Variants in PELI2 observed in about 807,000 individuals in gnomAD.
PELI2 encodes the protein E3 ubiquitin-protein ligase pellino homolog 2.
In PELI2, 23 loss-of-function variants were observed where a neutral mutation model predicts 42.3. The observed-to-expected ratio is 0.54, with a 90% CI of 0.39 to 0.77. The LOEUF is 0.77. PELI2 is among the 30% of genes least tolerant of loss of function. The pLI is 0.00. For missense variants in PELI2, 463 were observed against 553.2 expected (o/e 0.84, Z 1.64); for synonymous variants, 245 against 212.2 (o/e 1.15, Z -1.34).
At chr14:56,209,340 C>T (rs1033000159) in intron 2 of PELI2, among the ~76,000 whole-genome samples, 3 of 152,136 alleles carry the variant, frequency 2.0e-5, no homozygotes, top group Non-Finnish European at 4.4e-5. Flanking sequence ...TTAAAAATTA[C>T]CCCTTTTTCC....
At chr14:56,194,566 A>G (rs1886064637) in intron 2 of PELI2, among the ~76,000 whole-genome samples, 1 of 152,180 alleles carries the variant, frequency 6.6e-6, no homozygotes, top group African/African-American at 2.4e-5. Flanking sequence ...TAGTATATTC[A>G]TGCCTGTTAG....
At chr14:56,191,498 C>T (rs1270911272) in intron 2 of PELI2, among the ~76,000 whole-genome samples, 1 of 152,196 alleles carries the variant, frequency 6.6e-6, no homozygotes, top group Non-Finnish European at 1.5e-5. Context: ...AAGACTGTAA[C>T]TGCTGTGGAA....
intron 1 of PELI2, among the ~76,000 whole-genome samples, chr14:56,138,849 T>C (rs944333603): frequency 3.3e-5 from 5 of 152,356 alleles, no homozygotes; most frequent in South Asian, 2.1e-4. Flanking sequence ...AACGCTCAGT[T>C]CAGGTTGAAA....
intron 1 of PELI2, among the ~76,000 whole-genome samples, chr14:56,132,711 G>C (rs952832213): frequency 2.6e-5 from 4 of 152,184 alleles, no homozygotes; most frequent in African/African-American, 9.7e-5. Context: ...CTCAGTTTAA[G>C]TGACTGTTTC....
chr14:56,195,330 C>T (rs1480892958), intron 2 of PELI2, among the ~76,000 whole-genome samples: 1 of 152,190 alleles, frequency 6.6e-6, no homozygotes, highest in Non-Finnish European at 1.5e-5. Flanking sequence ...TTGCCATTCT[C>T]ATTTTCTAGT....
intron 2 of PELI2, among the ~76,000 whole-genome samples, chr14:56,256,587 A>G (rs908364727): frequency 6.6e-6 from 1 of 152,212 alleles, no homozygotes; most frequent in Non-Finnish European, 1.5e-5. Flanking sequence ...TTTTTATTTT[A>G]GAATTTTTTG....
intron 1 of PELI2, among the ~76,000 whole-genome samples, chr14:56,171,761 A>G (rs1026718017): frequency 1.3e-5 from 2 of 151,864 alleles, no homozygotes; most frequent in Non-Finnish European, 2.9e-5. Flanking sequence ...CATGCCTGTA[A>G]TCCCAGCACT....
At chr14:56,198,010 A>ACACACACACACACACC (rs772024884) in intron 2 of PELI2, among the ~76,000 whole-genome samples, 3 of 114,618 alleles carry the variant, frequency 2.6e-5, no homozygotes, top group African/African-American at 8.9e-5. Context: ...ACACACACAC[A>ACACACACACACACACC]CACCCACCTC....
chr14:56,196,770 T>C (rs1886146485), intron 2 of PELI2, among the ~76,000 whole-genome samples: 1 of 152,260 alleles, frequency 6.6e-6, no homozygotes, highest in African/African-American at 2.4e-5. Flanking sequence ...TCCTTGCCTA[T>C]TTTTGAATTG....
chr14:56,163,354 A>T (rs1477493829), intron 1 of PELI2, among the ~76,000 whole-genome samples: 1 of 152,048 alleles, frequency 6.6e-6, no homozygotes, highest in Non-Finnish European at 1.5e-5. Flanking sequence ...GTATGTTCTT[A>T]GTACATTTGT....
At chr14:56,269,326 C>G (rs1473796389) in intron 2 of PELI2, among the ~76,000 whole-genome samples, 1 of 151,856 alleles carries the variant, frequency 6.6e-6, no homozygotes, top group Non-Finnish European at 1.5e-5. Context: ...GCCTGTGGTC[C>G]CAGCTACTCA....
chr14:56,174,459 G>T (rs1227826560), intron 1 of PELI2, among the ~76,000 whole-genome samples: 2 of 152,158 alleles, frequency 1.3e-5, no homozygotes. Flanking sequence ...ACCAGTGATA[G>T]GGTTTAGCTC....
In PELI2 at chr14:56,219,113, G is replaced by A. The variant is rs758779130; in HGVS notation, c.207+40649G>A. 1.3e-5 allele frequency among the ~76,000 whole-genome samples: 2 copies of A among 151,868 alleles called. No individual in the cohort carries two copies. Among genetic ancestry groups the A allele is most frequent in the Admixed American group, 6.6e-5 (1 of 15,266 alleles). Reference sequence around the variant, plus strand: ...GAAGGGAAGGTAGCTTCAAATACAAGCCATTTTAAGTATCCTGGTCTCTTA... The same window carrying A: ...GAAGGGAAGGTAGCTTCAAATACAAACCATTTTAAGTATCCTGGTCTCTTA... On this transcript the variant is annotated intron_variant, in intron 2 of 5. Transcript: ENST00000267460. The surrounding 1 kb of genome is among the most constrained non-coding windows in gnomAD (Gnocchi z 4.1).
intron 1 of PELI2, chr14:56,119,615 C>T (rs1882990400): frequency 4.7e-6 from 1 of 213,266 alleles, no homozygotes; most frequent in Non-Finnish European, 8.1e-6. Flanking sequence ...CCTGAGTTTC[C>T]TTGTGACATT....
chr14:56,276,132 T>A (rs143377932), intron 2 of PELI2, among the ~76,000 whole-genome samples: 1 of 152,226 alleles, frequency 6.6e-6, no homozygotes, highest in Admixed American at 6.5e-5. Flanking sequence ...AAAAGTTCAA[T>A]GCCATATGTA....
Position 56,279,526 on chromosome 14 carries a change from G to A in PELI2, c.208-150G>A, listed in dbSNP as rs1889403947. On this transcript the variant is annotated intron_variant, in intron 2 of 5. Coordinates refer to ENST00000267460, the MANE Select transcript of PELI2 (RefSeq NM_021255.3). ...GACTCTTGGCTTGTCTGTGATTGACGGAATAGAGCATAGGGGAAAAACCTG... is the reference window on the plus strand; with the variant it reads ...GACTCTTGGCTTGTCTGTGATTGACAGAATAGAGCATAGGGGAAAAACCTG... 1.6e-5 allele frequency: 7 copies of A among 424,446 alleles called. No homozygotes were observed. In the Admixed American group the frequency reaches 2.0e-4, roughly 12 times the overall value. The allele number at this position is 424,446 out of a possible 1,614,324, so 26.3% of individuals were successfully genotyped here. A position where few individuals can be genotyped will look rare whatever the true frequency, so the allele number is the denominator to read the frequency against.
At chr14:56,261,847 G>A (rs984714460) in intron 2 of PELI2, among the ~76,000 whole-genome samples, 1 of 152,272 alleles carries the variant, frequency 6.6e-6, no homozygotes, top group African/African-American at 2.4e-5. Context: ...GTTAGCTGGA[G>A]TTGTATCCAT....
rs1889163113 is a variant in PELI2 at position 56,273,196 on chromosome 14, C to T, written c.208-6480C>T. On this transcript the variant is annotated intron_variant, in intron 2 of 5. Coordinates refer to ENST00000267460, the MANE Select transcript of PELI2 (RefSeq NM_021255.3). The surrounding 1 kb of genome is among the most constrained non-coding windows in gnomAD (Gnocchi z 4.3). ...TCTGCATCTTGGTGCTCCCAGGCCT[C>T]CCTATCCCCATGTGGCATTTCATTC... Among the ~76,000 whole-genome samples, 1 of 152,182 alleles carries T rather than the reference C, an allele frequency of 6.6e-6. No individual in the cohort carries two copies. The highest frequency in any genetic ancestry group is 1.5e-5 in the Non-Finnish European group (1 of 68,030).
chr14:56,142,947 C>T (rs1883970179), intron 1 of PELI2, among the ~76,000 whole-genome samples: 1 of 152,056 alleles, frequency 6.6e-6, no homozygotes, highest in Non-Finnish European at 1.5e-5. Flanking sequence ...TATCAGTTTT[C>T]ATATTCATGG....
Sources: allele counts gnomAD v4.1 joint callset (sites outside exome capture counted in the v4.1 genomes callset), GRCh38; gene constraint gnomAD v4.1.1; non-coding constraint Gnocchi (gnomAD v3.1); transcripts MANE v1.5; gene names NCBI Gene and HGNC (gene_info 2026-07-23, HGNC 2026-07-21).